ITGA2B: variants seen among roughly 807,000 people sequenced by gnomAD.
The protein encoded by ITGA2B is integrin subunit alpha 2b, also known as integrin alpha-IIb.
A neutral mutation model predicts 142.0 loss-of-function variants in ITGA2B; 91 were observed. The observed-to-expected ratio is 0.64, with a 90% CI of 0.54 to 0.76. The LOEUF (loss-of-function observed/expected upper bound fraction) is 0.76. Ranked by LOEUF, ITGA2B falls within the 30% of genes least tolerant of loss-of-function variation. ITGA2B has a pLI of 0.00. For missense variants in ITGA2B, 1,231 were observed against 1,350.8 expected (o/e 0.91, Z 1.39); for synonymous variants, 536 against 567.2 (o/e 0.94, Z 0.78).
rs901643372 is a variant in ITGA2B, at chr17:44,389,307, A to C, written c.167T>G (p.Phe56Cys). The C allele has an allele frequency of 1.8e-5, 29 of 1,614,158 alleles. No homozygotes were observed. Among genetic ancestry groups the C allele is most frequent in the Non-Finnish European group, 2.4e-5 (28 of 1,180,032 alleles). ...NGSQFGFSLD[F>C]HKDSHGRVAI... ...TCACCTCCCATGGCTGTCCTTGTGG[A>C]AGTCCAGTGAAAATCCAAACTGGCT... The change falls in exon 1 of 30, where the codon TTC (phenylalanine) becomes TGC (cysteine). Residue 56 changes from phenylalanine to cysteine, a missense_variant. Phe to Cys is a radical substitution (Grantham distance 205). Coordinates refer to ENST00000262407, the MANE Select transcript of ITGA2B (RefSeq NM_000419.5).
At chr17:44,387,754 G>A (rs2048662224) in intron 1 of ITGA2B, among the ~76,000 whole-genome samples, 1 of 145,688 alleles carries the variant, frequency 6.9e-6, no homozygotes, top group Admixed American at 6.9e-5. Flanking sequence ...GAACCCGGGA[G>A]GCAGAAGTTG....
Position 44,384,544 on chromosome 17 carries a change from T to A in ITGA2B, c.841A>T (p.Thr281Ser). The A allele has an allele frequency of 1.2e-6, 2 of 1,613,874 alleles. No individual in the cohort carries two copies. Among genetic ancestry groups the A allele is most frequent in the Non-Finnish European group, 1.7e-6 (2 of 1,179,970 alleles). ...AVGEFDGDLNTTEYVVGAPTW... is the reference protein window; with the variant it reads ...AVGEFDGDLNSTEYVVGAPTW... ...CCCTAAGTGGATTTCTTGCCTGTAG[T>A]GTTGAGATCCCCGTCGAACTCGCCC... is the stretch of plus-strand genomic sequence containing the variant. Residue 281 changes from threonine to serine, a missense_variant, in exon 8 of 30, where the codon ACT (threonine) becomes TCT (serine). Around this residue, in one of 3 missense-constraint regions of ITGA2B, gnomAD observed 908 missense variants for 1,021.1 expected, o/e 0.89. Coordinates refer to ENST00000262407, the MANE Select transcript of ITGA2B (RefSeq NM_000419.5).
chr17:44,383,348 C>T, intron 12 of ITGA2B, 145 bp downstream of exon 12: 1 of 753,492 alleles, frequency 1.3e-6, no homozygotes, highest in South Asian at 1.5e-5. Context: ...CTCCCATCTG[C>T]TCTCCACTCA....
intron 1 of ITGA2B, 126 bp downstream of exon 1, chr17:44,389,160 C>T: frequency 9.3e-7 from 1 of 1,075,436 alleles, no homozygotes; most frequent in Non-Finnish European, 1.4e-6. Flanking sequence ...AAGAAATCAA[C>T]CTGAATAGGC....
In ITGA2B at chr17:44,375,129, C is replaced by T; in HGVS notation, c.2728-18G>A. The T allele has an allele frequency of 6.5e-7, 1 of 1,540,834 alleles. No homozygotes were observed. The highest frequency in any genetic ancestry group is 8.8e-7 in the Non-Finnish European group (1 of 1,139,716). ...TCGCAGCTCTGAGGGGAAGCATCGT[C>T]AGTCCCCAGCCCGTCCCGGCCCATC... On this transcript the variant is annotated intron_variant, in intron 26 of 29. Transcript: ENST00000262407.
chr17:44,380,732 C>T (rs906668685), intron 13 of ITGA2B, 87 bp from the exon 14 acceptor site: 2 of 1,598,448 alleles, frequency 1.3e-6, no homozygotes, highest in Non-Finnish European at 1.7e-6. Context: ...ACACCACCTC[C>T]CCCACTGGAG....
chr17:44,378,790 G>A (rs1277718669), intron 18 of ITGA2B, 80 bp from the exon 19 acceptor site: 14 of 1,339,994 alleles, frequency 1.0e-5, no homozygotes, highest in Non-Finnish European at 5.2e-6. Flanking sequence ...GGAAAACAGT[G>A]GGCTTGGGGT....
Position 44,385,595 on chromosome 17 carries a change from C to T in ITGA2B, c.530G>A (p.Cys177Tyr). The change falls in exon 4 of 30, where the codon TGT becomes TAT. Residue 177 changes from cysteine to tyrosine, a missense_variant. Coordinates refer to ENST00000262407, the MANE Select transcript of ITGA2B (RefSeq NM_000419.5). The part of the protein sequence containing the change: ...ESGRRAEYSP[C>Y]RGNTLSRIYV... Reference sequence around the variant, plus strand: ...AATGCGGCTCAGGGTGTTCCCGCGACAGGGGGAGTACTCGGCGCGGCGGCC... The same window carrying T: ...AATGCGGCTCAGGGTGTTCCCGCGATAGGGGGAGTACTCGGCGCGGCGGCC... 2 of 1,610,586 alleles carry T rather than the reference C, an allele frequency of 1.2e-6. No homozygotes were observed. Among genetic ancestry groups the T allele is most frequent in the Non-Finnish European group, 1.7e-6 (2 of 1,179,274 alleles).
Position 44,376,888 on chromosome 17 carries a change from C to T in ITGA2B, c.2267+121G>A. The T allele has an allele frequency of 5.2e-6, 4 of 769,004 alleles. 1 individual carries two copies. Among genetic ancestry groups the T allele is most frequent in the Non-Finnish European group, 8.9e-6 (4 of 448,822 alleles). 47.6% of individuals were successfully genotyped at this position (769,004 alleles called of 1,614,324 possible). A position where few individuals can be genotyped will look rare whatever the true frequency, so the allele number is the denominator to read the frequency against. On this transcript the variant is annotated intron_variant, in intron 22 of 29. Coordinates refer to ENST00000262407, the MANE Select transcript of ITGA2B (RefSeq NM_000419.5). ...TTGGCCTCGCAACGTGCTGGGATTA[C>T]AGGTGTGAGCCACTGCGCCTGGCCT...
chr17:44,385,373 A>G (rs752008047), intron 4 of ITGA2B, 38 bp from the exon 5 acceptor site: 6 of 1,596,810 alleles, frequency 3.8e-6, no homozygotes, highest in Non-Finnish European at 4.3e-6. Context: ...CGCAGGGGTG[A>G]AGGGAGGCGC....
At chr17:44,374,864 A>G in intron 27 of ITGA2B, 104 bp from the exon 28 acceptor site, 1 of 1,256,628 alleles carries the variant, frequency 8.0e-7, no homozygotes, top group Non-Finnish European at 1.1e-6. Flanking sequence ...CTCTGACCTA[A>G]TCCCACTGCA....
rs917765427 is a variant in ITGA2B, at chr17:44,372,213, G to C, written c.*151C>G. On this transcript the variant is annotated 3_prime_UTR_variant, in exon 30 of 30. Coordinates refer to ENST00000262407, the MANE Select transcript of ITGA2B (RefSeq NM_000419.5). ...TCAGTCTCTTTATTAGGCAGCAGGA[G>C]GGGGGGTAGCCCAGCTCTGTTGGGA... 12 of 723,124 alleles carry C rather than the reference G, an allele frequency of 1.7e-5. No homozygotes were observed. Among genetic ancestry groups the C allele is most frequent in the Non-Finnish European group, 2.4e-5 (10 of 411,988 alleles). The allele number at this position is 723,124 out of a possible 1,614,324, so 44.8% of individuals were successfully genotyped here.
rs1184902687 is a variant in ITGA2B, at chr17:44,375,034, C to T, written c.2805G>A (p.Thr935=). 7 of 1,545,382 alleles carry T rather than the reference C, an allele frequency of 4.5e-6. No individual in the cohort carries two copies. The highest frequency in any genetic ancestry group is 6.1e-6 in the Non-Finnish European group (7 of 1,146,912). Residue 935 remains threonine, a synonymous_variant, in exon 27 of 30, where the codon ACG becomes ACA. Transcript: ENST00000262407. ...EMARGQRAMV[T]VLAFLWLPSL... is the part of the protein sequence containing the mutation. ...TGGGCAGCCACAGGAAGGCCAGCACCGTGACCATGGCCCGCTGCCCGCGCG... is the reference window on the plus strand; with the variant it reads ...TGGGCAGCCACAGGAAGGCCAGCACTGTGACCATGGCCCGCTGCCCGCGCG...
In ITGA2B at chr17:44,376,353, A is replaced by G. The variant is rs772998090; in HGVS notation, c.2303T>C (p.Leu768Pro). The G allele has an allele frequency of 6.2e-7, 1 of 1,614,206 alleles. No homozygotes were observed. Among genetic ancestry groups the G allele is most frequent in the Non-Finnish European group, 8.5e-7 (1 of 1,180,038 alleles). Residue 768 changes from leucine to proline, a missense_variant, in exon 23 of 30, where the codon CTG (leucine) becomes CCG (proline). By Grantham distance (98) the Leu-to-Pro change is moderately conservative (BLOSUM62 -3). This residue lies in a region of ITGA2B where 908 missense variants were observed against 1,021.1 expected (regional missense o/e 0.89). Transcript: ENST00000262407. ...NSQNPNSKIV[L>P]LDVPVRAEAQ... ...CTCTGCCCGGACCGGCACGTCCAGCAGCACAATCTTGCTGTTTGGATTCTG... is the reference window on the plus strand; with the variant it reads ...CTCTGCCCGGACCGGCACGTCCAGCGGCACAATCTTGCTGTTTGGATTCTG...
chr17:44,373,413 G>A (rs1184892189), intron 29 of ITGA2B, among the ~76,000 whole-genome samples: 2 of 152,152 alleles, frequency 1.3e-5, no homozygotes, highest in African/African-American at 2.4e-5. Context: ...TGGGATTACC[G>A]GTGTGAGCCA....
At chr17:44,374,258 A>T in intron 29 of ITGA2B, 96 bp downstream of exon 29, 1 of 1,061,906 alleles carries the variant, frequency 9.4e-7, no homozygotes, top group Non-Finnish European at 1.5e-6. Flanking sequence ...TGGATTACCC[A>T]CTTGGGTGGG....
intron 12 of ITGA2B, among the ~76,000 whole-genome samples, chr17:44,382,992 C>T (rs919292845): frequency 9.2e-5 from 14 of 152,166 alleles, no homozygotes; most frequent in African/African-American, 3.4e-4. Flanking sequence ...ATTCAGATCT[C>T]TCTTGTGGAA....
chr17:44,379,976 C>T (rs1336200824), intron 17 of ITGA2B, 26 bp downstream of exon 17: 1 of 1,613,018 alleles, frequency 6.2e-7, no homozygotes, highest in Non-Finnish European at 8.5e-7. Context: ...CTCTCCCAGC[C>T]CTGCCAATCC....
At chr17:44,377,589 A>C in intron 21 of ITGA2B, 109 bp downstream of exon 21, 1 of 798,132 alleles carries the variant, frequency 1.3e-6, no homozygotes, top group Non-Finnish European at 2.2e-6. Flanking sequence ...AGGGAGTGTG[A>C]GGACCAAGAT....
Sources: gnomAD v4.1 joint callset for allele counts (sites outside exome capture counted in the v4.1 genomes callset) on GRCh38, gnomAD v4.1.1 for gene constraint, gnomAD v4.1.1 regional missense constraint, MANE v1.5 for transcripts, NCBI Gene and HGNC (gene_info 2026-07-23, HGNC 2026-07-21) for gene names.